GLRA3: variants seen among roughly 807,000 people sequenced by gnomAD.
GLRA3 encodes glycine receptor alpha 3.
In GLRA3, 44 loss-of-function variants were observed where a neutral mutation model predicts 60.4. The ratio of observed to expected loss-of-function variants is 0.73; its 90% CI spans 0.57 to 0.94. The LOEUF (loss-of-function observed/expected upper bound fraction) is 0.94, where lower values mean the gene tolerates loss of function less well. GLRA3 is among the 40% of genes least tolerant of loss of function. The pLI is 0.00. For synonymous variants in GLRA3, 223 were observed against 192.9 expected (o/e 1.16, Z -1.29); for missense variants, 508 against 564.6 (o/e 0.90, Z 1.02).
At chr4:174,743,082 T>C (rs1737089443) in intron 3 of GLRA3, among the ~76,000 whole-genome samples, 1 of 152,196 alleles carries the variant, frequency 6.6e-6, no homozygotes. Context: ...TTAAATTTAG[T>C]CTTACAGAAA....
At chr4:174,761,699 A>G (rs11727514) in intron 3 of GLRA3, among the ~76,000 whole-genome samples, 42,868 of 152,008 alleles carry the variant, frequency 0.28, 6,402 homozygotes, top group Non-Finnish European at 0.34. Context: ...ATTTAAAAAT[A>G]CTGTACTACT....
intron 7 of GLRA3, among the ~76,000 whole-genome samples, chr4:174,674,873 C>T (rs1734052516): frequency 6.6e-6 from 1 of 152,004 alleles, no homozygotes; most frequent in Non-Finnish European, 1.5e-5. Flanking sequence ...AGTTATAAAG[C>T]CCTCACCTCC....
intron 9 of GLRA3, among the ~76,000 whole-genome samples, chr4:174,645,818 GAAATTTTTAAGGC>G (rs925883176): frequency 3.3e-5 from 5 of 152,134 alleles, no homozygotes; most frequent in African/African-American, 1.2e-4. Context: ...TGGCGTCCAT[GAAATTTTTAAGGC>G]AAATTTATTA....
At chr4:174,810,070 A>G (rs938164443) in intron 1 of GLRA3, among the ~76,000 whole-genome samples, 1 of 152,104 alleles carries the variant, frequency 6.6e-6, no homozygotes, top group Non-Finnish European at 1.5e-5. Flanking sequence ...CTGTCTGAGG[A>G]CTCTGGATTC....
chr4:174,642,745 AT>A lies in GLRA3; in HGVS notation c.*1040del. 1 of 733,396 alleles carries A rather than the reference AT, an allele frequency of 1.4e-6. No homozygotes were observed. Among genetic ancestry groups the A allele is most frequent in the Non-Finnish European group, 1.7e-6 (1 of 600,546 alleles). 45.4% of individuals were successfully genotyped at this position (733,396 alleles called of 1,614,324 possible). On this transcript the variant is annotated 3_prime_UTR_variant, in exon 10 of 10. Transcript: ENST00000274093. Reference sequence around the variant, plus strand: ...TAAAATTAAAACTTTCCCTACTTATATTTGGAGATAGGAGTTGAGACCCATA... The same window carrying A: ...TAAAATTAAAACTTTCCCTACTTATATTGGAGATAGGAGTTGAGACCCATA...
At chr4:174,730,078 A>G (rs1053001952) in intron 3 of GLRA3, among the ~76,000 whole-genome samples, 1 of 152,170 alleles carries the variant, frequency 6.6e-6, no homozygotes, top group African/African-American at 2.4e-5. Flanking sequence ...TAGCTGCCCC[A>G]TGTATCTTCC....
At chr4:174,688,525 C>T (rs1466052519) in intron 5 of GLRA3, among the ~76,000 whole-genome samples, 2 of 149,764 alleles carry the variant, frequency 1.3e-5, no homozygotes, top group Non-Finnish European at 3.0e-5. Flanking sequence ...CAGCATATAG[C>T]AGGTGCTTGA....
intron 6 of GLRA3, among the ~76,000 whole-genome samples, chr4:174,680,760 A>C (rs1346445950): frequency 2.0e-5 from 3 of 152,212 alleles, no homozygotes; most frequent in Non-Finnish European, 4.4e-5. Flanking sequence ...AAACTGAATA[A>C]ATCCTCTAAT....
intron 5 of GLRA3, among the ~76,000 whole-genome samples, chr4:174,707,588 G>T (rs193294340): frequency 3.1e-3 from 467 of 152,290 alleles, no homozygotes; most frequent in Non-Finnish European, 5.1e-3. Context: ...ACGTCTAGGG[G>T]AAGGGAAATA....
intron 5 of GLRA3, among the ~76,000 whole-genome samples, chr4:174,713,926 C>A (rs1159070757): frequency 6.6e-6 from 1 of 152,140 alleles, no homozygotes; most frequent in Non-Finnish European, 1.5e-5. Context: ...TCAATTGTCC[C>A]ATCAACATTT....
At chr4:174,772,055 T>C (rs4513542) in intron 2 of GLRA3, among the ~76,000 whole-genome samples, 113,647 of 152,106 alleles carry the variant, frequency 0.75, 42,831 homozygotes, top group East Asian at 1. Flanking sequence ...AGGAGCAAAC[T>C]TCTGATATAT....
At chr4:174,794,735 T>C (rs1309454067) in intron 1 of GLRA3, among the ~76,000 whole-genome samples, 1 of 152,202 alleles carries the variant, frequency 6.6e-6, no homozygotes, top group African/African-American at 2.4e-5. Context: ...AAAACAATAA[T>C]TGAGCTACTG....
At chr4:174,776,416 A>G (rs761330684) in intron 2 of GLRA3, among the ~76,000 whole-genome samples, 3 of 152,222 alleles carry the variant, frequency 2.0e-5, no homozygotes, top group Non-Finnish European at 4.4e-5. Context: ...TAAGAAAACT[A>G]GTGGTTTAAA....
intron 5 of GLRA3, among the ~76,000 whole-genome samples, chr4:174,693,515 AT>A (rs1734939725): frequency 6.6e-6 from 1 of 151,930 alleles, no homozygotes; most frequent in Non-Finnish European, 1.5e-5. Flanking sequence ...CAGTTGGTCT[AT>A]ATGTCTGTTT....
chr4:174,782,730 A>G (rs1251641824), intron 2 of GLRA3, among the ~76,000 whole-genome samples: 1 of 152,186 alleles, frequency 6.6e-6, no homozygotes, highest in East Asian at 1.9e-4. Context: ...TGTTTCAAAG[A>G]GAATAAAATA....
chr4:174,811,513 C>T (rs929863380), intron 1 of GLRA3, among the ~76,000 whole-genome samples: 8 of 152,088 alleles, frequency 5.3e-5, no homozygotes, highest in Non-Finnish European at 1.2e-4. Flanking sequence ...CTTGGCTTAG[C>T]TGAGCCAGAA....
At chr4:174,716,730 C>G (rs1735931799) in intron 4 of GLRA3, among the ~76,000 whole-genome samples, 1 of 152,044 alleles carries the variant, frequency 6.6e-6, no homozygotes, top group Admixed American at 6.6e-5. Flanking sequence ...TTGCTATGAG[C>G]AGTACATGCG....
intron 5 of GLRA3, among the ~76,000 whole-genome samples, chr4:174,707,949 G>T (rs1735574946): frequency 1.3e-5 from 2 of 152,128 alleles, no homozygotes; most frequent in Admixed American, 6.5e-5. Context: ...ATGGCCATTG[G>T]TGTTGCATAG....
chr4:174,750,712 A>C (rs1054165390), intron 3 of GLRA3, among the ~76,000 whole-genome samples: 1 of 152,072 alleles, frequency 6.6e-6, no homozygotes, highest in African/African-American at 2.4e-5. Context: ...TCATAAATGG[A>C]GCAGCTTTGG....
Sources: gnomAD v4.1 joint callset for allele counts (sites outside exome capture counted in the v4.1 genomes callset) on GRCh38, gnomAD v4.1.1 for gene constraint, MANE v1.5 for transcripts, NCBI Gene and HGNC (gene_info 2026-07-23, HGNC 2026-07-21) for gene names.